The following SH3BP5 variants were observed in gnomAD, a reference collection of about 807,000 sequenced individuals.
SH3BP5 encodes the protein SH3 domain-binding protein 5.
Under a neutral mutation model 43.3 loss-of-function variants are expected in SH3BP5, and 22 were observed. The observed-to-expected ratio is 0.51, with a 90% confidence interval of 0.36 to 0.73. The LOEUF (loss-of-function observed/expected upper bound fraction) is 0.73, where lower values mean the gene tolerates loss of function less well. Among genes scored for constraint, SH3BP5 ranks in the 30% least tolerant of loss-of-function variants. The pLI, the probability that SH3BP5 is intolerant of heterozygous loss-of-function variation, is 0.00. For synonymous variants in SH3BP5, 255 were observed against 225.8 expected, an observed-to-expected ratio of 1.13 and a Z score of -1.16; for missense variants, 529 against 586.9, an observed-to-expected ratio of 0.90 and a Z score of 1.02.
intron 6 of SH3BP5, 176 bp downstream of exon 6, chr3:15,259,585 T>A (rs1696355768): frequency 1.4e-6 from 1 of 737,318 alleles, no homozygotes; most frequent in Non-Finnish European, 2.5e-6. Context: ...TTACAGAGGT[T>A]CAGAGACCAC....
intron 4 of SH3BP5, 109 bp from the exon 5 acceptor site, chr3:15,262,398 A>G (rs1696480390): frequency 7.4e-7 from 1 of 1,358,078 alleles, no homozygotes; most frequent in Non-Finnish European, 9.9e-7. Context: ...ATGGTGACAC[A>G]TGTGTAATCC....
At chr3:15,332,687 A>G, upstream of SH3BP5, 3 of 1,129,142 alleles carry the variant, frequency 2.7e-6, no homozygotes, top group Non-Finnish European at 3.3e-6. Flanking sequence ...AGTCCCAGCT[A>G]TCCAGGTCTC....
Position 15,320,640 on chromosome 3 carries a change from A to ACACACACACACACACACC in SH3BP5, c.201+9863_201+9864insGGTGTGTGTGTGTGTGTG, listed in dbSNP as rs373879792. ...CACACACACACACACACACACACAC[A>ACACACACACACACACACC]CCCCACTACGTTAAAGTCCCTACAA... On this transcript the variant is annotated intron_variant, in intron 2 of 8. Coordinates refer to ENST00000383791, the MANE Select transcript of SH3BP5 (RefSeq NM_004844.5). Among the ~76,000 whole-genome samples the ACACACACACACACACACC allele has an allele frequency of 2.7e-3, 407 of 149,654 alleles. 3 individuals carry two copies. Among genetic ancestry groups the ACACACACACACACACACC allele is most frequent in the Admixed American group, 6.3e-3 (95 of 15,000 alleles).
intron 2 of SH3BP5, among the ~76,000 whole-genome samples, chr3:15,308,914 A>T (rs1246319206): frequency 1.3e-5 from 2 of 152,190 alleles, no homozygotes; most frequent in Non-Finnish European, 2.9e-5. Context: ...CTTTGTCAGA[A>T]ATAATTAAAG....
At chr3:15,314,829 T>G (rs1267510200) in intron 2 of SH3BP5, among the ~76,000 whole-genome samples, 3 of 152,180 alleles carry the variant, frequency 2.0e-5, no homozygotes, top group Non-Finnish European at 4.4e-5. Flanking sequence ...CTGAGTCCTT[T>G]TCTTTTCCCA....
chr3:15,269,903 G>A, intron 3 of SH3BP5, 26 bp from the exon 4 acceptor site: 1 of 1,494,380 alleles, frequency 6.7e-7, no homozygotes, highest in Non-Finnish European at 8.9e-7. Context: ...TCCTCATGAG[G>A]CCTCAGAAAA....
chr3:15,287,204 T>C (rs1697289689), intron 3 of SH3BP5, among the ~76,000 whole-genome samples: 1 of 152,230 alleles, frequency 6.6e-6, no homozygotes, highest in Middle Eastern at 3.2e-3. Context: ...TCAGCTGTCA[T>C]ATAAGCAAGC....
chr3:15,324,259 C>A (rs1297734094), intron 2 of SH3BP5, among the ~76,000 whole-genome samples: 1 of 152,182 alleles, frequency 6.6e-6, no homozygotes, highest in East Asian at 1.9e-4. Flanking sequence ...AACTCTGATG[C>A]CCCCTATTTC....
intron 4 of SH3BP5, among the ~76,000 whole-genome samples, chr3:15,263,041 C>T (rs1393783102): frequency 1.3e-5 from 2 of 152,150 alleles, no homozygotes; most frequent in African/African-American, 4.8e-5. Flanking sequence ...AACCAACTTC[C>T]CAACAGTGGT....
intron 3 of SH3BP5, among the ~76,000 whole-genome samples, chr3:15,299,990 G>T (rs1038554196): frequency 6.6e-6 from 1 of 152,096 alleles, no homozygotes; most frequent in South Asian, 2.1e-4. Flanking sequence ...AACCATTTGA[G>T]TGAGTACCTG....
chr3:15,310,077 T>C (rs1430086243), intron 2 of SH3BP5, among the ~76,000 whole-genome samples: 1 of 152,114 alleles, frequency 6.6e-6, no homozygotes, highest in Non-Finnish European at 1.5e-5. Flanking sequence ...CCCCCACCTC[T>C]CAGTCCCTAG....
At chr3:15,269,936 A>G in intron 3 of SH3BP5, 59 bp from the exon 4 acceptor site, 3 of 1,400,298 alleles carry the variant, frequency 2.1e-6, no homozygotes, top group South Asian at 2.9e-5. Context: ...CCCATGGTCC[A>G]TTTTACCTTT....
intron 2 of SH3BP5, among the ~76,000 whole-genome samples, chr3:15,304,452 C>T (rs2125112022): frequency 6.6e-6 from 1 of 152,332 alleles, no homozygotes; most frequent in Non-Finnish European, 1.5e-5. Flanking sequence ...TGGCGGCCAC[C>T]AGCCACGTGT....
chr3:15,321,805 A>T (rs1698332852), intron 2 of SH3BP5, among the ~76,000 whole-genome samples: 1 of 124,518 alleles, frequency 8.0e-6, no homozygotes, highest in Non-Finnish European at 1.9e-5. Flanking sequence ...TCACAACATC[A>T]AATTGCCAAA....
intron 4 of SH3BP5, among the ~76,000 whole-genome samples, chr3:15,262,825 G>A (rs1401842301): frequency 6.6e-6 from 1 of 151,974 alleles, no homozygotes; most frequent in African/African-American, 2.4e-5. Flanking sequence ...AGGCATGGTG[G>A]CACATGCCTG....
intron 4 of SH3BP5, among the ~76,000 whole-genome samples, chr3:15,262,550 A>G (rs917535091): frequency 2.0e-5 from 3 of 152,016 alleles, no homozygotes; most frequent in Non-Finnish European, 4.4e-5. Context: ...CCAGCTACTC[A>G]GGAGGCTAAG....
chr3:15,304,209 G>C lies in SH3BP5; in HGVS notation c.224C>G (p.Ser75Cys). Residue 75 changes from serine to cysteine, a missense_variant, in exon 3 of 9, where the codon TCT becomes TGT. Ser to Cys is a moderately radical substitution (Grantham distance 112). This residue lies in a region of SH3BP5 where 85 missense variants were observed against 140.8 expected (regional missense o/e 0.60). Coordinates refer to ENST00000383791, the MANE Select transcript of SH3BP5 (RefSeq NM_004844.5). ...TTTCACCGTTGCTTCAACCAGAACA[G>C]AGCGGAACTTCTGACGAGCATCCTG... ...ELEDARQKFR[S>C]VLVEATVKLD... The C allele has an allele frequency of 6.2e-7, 1 of 1,614,190 alleles. No homozygotes were observed. Among genetic ancestry groups the C allele is most frequent in the Non-Finnish European group, 8.5e-7 (1 of 1,180,034 alleles).
chr3:15,266,585 G>C (rs1203528032), intron 4 of SH3BP5, among the ~76,000 whole-genome samples: 1 of 152,200 alleles, frequency 6.6e-6, no homozygotes, highest in Non-Finnish European at 1.5e-5. Flanking sequence ...GAGGCTGAAG[G>C]GGTCCTATGC....
At chr3:15,308,998 G>A (rs1697982730) in intron 2 of SH3BP5, among the ~76,000 whole-genome samples, 1 of 152,062 alleles carries the variant, frequency 6.6e-6, no homozygotes, top group African/African-American at 2.4e-5. Flanking sequence ...CACTTACCTA[G>A]CTGCAATAAA....
Sources: gnomAD v4.1 joint callset for allele counts (sites outside exome capture counted in the v4.1 genomes callset) on GRCh38, gnomAD v4.1.1 for gene constraint, gnomAD v4.1.1 regional missense constraint, MANE v1.5 for transcripts, NCBI Gene and HGNC (gene_info 2026-07-23, HGNC 2026-07-21) for gene names.